SGCD: variants seen among roughly 807,000 people sequenced by gnomAD.
The protein encoded by SGCD is delta-sarcoglycan.
SGCD carries 18 observed loss-of-function variants against 36.6 expected under a neutral mutation model. That is an observed-to-expected ratio of 0.49 (90% CI 0.34 to 0.73). The LOEUF is 0.73. Ranked by LOEUF, SGCD falls within the 30% of genes least tolerant of loss-of-function variation. SGCD has a pLI of 0.01. For missense variants in SGCD, 387 were observed against 346.7 expected (o/e 1.12, Z -0.92); for synonymous variants, 133 against 130.6 (o/e 1.02, Z -0.12).
chr5:156,571,641 G>A (rs1212995642), intron 4 of SGCD, among the ~76,000 whole-genome samples: 1 of 152,056 alleles, frequency 6.6e-6, no homozygotes, highest in Non-Finnish European at 1.5e-5. Context: ...CAGTCTCCGT[G>A]GCCTGCTTCT....
chr5:156,502,656 C>A (rs567879872), intron 3 of SGCD, among the ~76,000 whole-genome samples: 3 of 152,264 alleles, frequency 2.0e-5, no homozygotes, highest in South Asian at 4.1e-4. Context: ...CTTCTAAATA[C>A]CTCTTTTACA....
intron 1 of SGCD, among the ~76,000 whole-genome samples, chr5:156,069,789 A>G (rs1360184765): frequency 1.3e-5 from 2 of 151,582 alleles, no homozygotes; most frequent in Admixed American, 6.6e-5. Context: ...ATTTGTTTGT[A>G]TCCTCTTTTA....
At position 156,397,447 on chromosome 5, in the gene SGCD, A is replaced by G. The variant is rs191919769; in HGVS notation, c.192+52770A>G. ...TGGATTTGACCCACAGGCTCTGGCT[A>G]TACTTTTTCCTCTCCGTTCTAGAGG... On this transcript the variant is annotated intron_variant, in intron 3 of 8. Coordinates refer to ENST00000337851, the MANE Select transcript of SGCD (RefSeq NM_000337.6). 2.2e-4 allele frequency among the ~76,000 whole-genome samples: 33 copies of G among 152,340 alleles called. No individual in the cohort carries two copies. In the East Asian group the frequency reaches 5.4e-3, roughly 25 times the overall value.
intron 1 of SGCD, among the ~76,000 whole-genome samples, chr5:156,107,422 T>C (rs970350360): frequency 6.6e-6 from 1 of 152,188 alleles, no homozygotes; most frequent in Non-Finnish European, 1.5e-5. Context: ...TCTGTATAGT[T>C]AGCTACTAAG....
At chr5:155,900,501 G>A (rs544901252) in intron 1 of SGCD, among the ~76,000 whole-genome samples, 2 of 151,652 alleles carry the variant, frequency 1.3e-5, no homozygotes, top group East Asian at 1.9e-4. Flanking sequence ...GTATACATGT[G>A]CCATGCTGGT....
At chr5:156,222,818 A>C (rs1412595696) in intron 3 of SGCD, among the ~76,000 whole-genome samples, 1 of 152,170 alleles carries the variant, frequency 6.6e-6, no homozygotes, top group African/African-American at 2.4e-5. Context: ...TTTCACTAGA[A>C]ACTACTGGGC....
At chr5:156,395,520 G>A (rs1771799971) in intron 3 of SGCD, among the ~76,000 whole-genome samples, 1 of 152,162 alleles carries the variant, frequency 6.6e-6, no homozygotes, top group Non-Finnish European at 1.5e-5. Flanking sequence ...ATTGTAGATG[G>A]GGGAATGGTT....
At chr5:156,746,754 A>G (rs59605435) in intron 7 of SGCD, among the ~76,000 whole-genome samples, 3,885 of 152,330 alleles carry the variant, frequency 0.026, 160 homozygotes, top group African/African-American at 0.089. Flanking sequence ...AAAACTATAA[A>G]GATTCTAGAA....
chr5:155,941,575 C>T (rs1325641320), intron 1 of SGCD, among the ~76,000 whole-genome samples: 1 of 150,606 alleles, frequency 6.6e-6, no homozygotes, highest in Non-Finnish European at 1.5e-5. Context: ...TGTTAATAAT[C>T]AATATTATTT....
intron 6 of SGCD, among the ~76,000 whole-genome samples, chr5:156,597,003 T>C (rs1760953191): frequency 1.3e-5 from 2 of 152,132 alleles, no homozygotes; most frequent in Non-Finnish European, 2.9e-5. Flanking sequence ...ACCATCCTTA[T>C]GGGGCTTAAT....
intron 3 of SGCD, among the ~76,000 whole-genome samples, chr5:156,284,204 C>T (rs1294553747): frequency 6.6e-6 from 1 of 152,006 alleles, no homozygotes; most frequent in Non-Finnish European, 1.5e-5. Flanking sequence ...AAAAAAAGTC[C>T]AGGACCAGAT....
At chr5:156,527,143 G>A (rs1021692394) in intron 4 of SGCD, among the ~76,000 whole-genome samples, 1 of 152,162 alleles carries the variant, frequency 6.6e-6, no homozygotes, top group African/African-American at 2.4e-5. Flanking sequence ...GGATCTCTCA[G>A]TAATTTTTAT....
the SGCD span, among the ~76,000 whole-genome samples, chr5:155,824,687 G>A: frequency 1.3e-5 from 2 of 152,138 alleles, no homozygotes; most frequent in East Asian, 3.9e-4. Flanking sequence ...TGCCTGATTG[G>A]CGAGTGGTTA....
chr5:156,227,017 G>C (rs951018353), intron 3 of SGCD, among the ~76,000 whole-genome samples: 1 of 152,054 alleles, frequency 6.6e-6, no homozygotes, highest in African/African-American at 2.4e-5. Context: ...CAGATGTGTA[G>C]ATTATGAAGA....
At chr5:156,698,130 G>T (rs939011058) in intron 7 of SGCD, among the ~76,000 whole-genome samples, 1 of 152,076 alleles carries the variant, frequency 6.6e-6, no homozygotes, top group Non-Finnish European at 1.5e-5. Flanking sequence ...CTTTCAACTT[G>T]GTGGGAGAGC....
chr5:155,987,001 A>C (rs776315315), intron 1 of SGCD, among the ~76,000 whole-genome samples: 1 of 152,154 alleles, frequency 6.6e-6, no homozygotes, highest in African/African-American at 2.4e-5. Context: ...TTAGGTGCAT[A>C]AACAACCGTC....
chr5:156,051,057 C>A (rs1290149191), intron 1 of SGCD, among the ~76,000 whole-genome samples: 1 of 146,378 alleles, frequency 6.8e-6, no homozygotes, highest in East Asian at 1.9e-4. Flanking sequence ...TATACCTTTA[C>A]TAGAAACTAA....
intron 1 of SGCD, among the ~76,000 whole-genome samples, chr5:156,111,507 G>A (rs1378668972): frequency 2.0e-5 from 3 of 152,190 alleles, no homozygotes; most frequent in African/African-American, 4.8e-5. Flanking sequence ...AGCCAGAGAT[G>A]CATTGAGTAG....
chr5:155,842,251 T>TG, the SGCD span, among the ~76,000 whole-genome samples: 1 of 150,900 alleles, frequency 6.6e-6, no homozygotes, highest in Admixed American at 6.6e-5. Flanking sequence ...GAGGTGTTTT[T>TG]TTTTTTTTTT....
Sources: allele counts gnomAD v4.1 joint callset (sites outside exome capture counted in the v4.1 genomes callset), GRCh38; gene constraint gnomAD v4.1.1; transcripts MANE v1.5; gene names NCBI Gene and HGNC (gene_info 2026-07-23, HGNC 2026-07-21).